Variants in BBS9 observed in about 807,000 individuals in gnomAD.
BBS9 encodes protein PTHB1.
Under a neutral mutation model 117.7 loss-of-function variants are expected in BBS9, and 89 were observed. That is an observed-to-expected ratio of 0.76 (90% CI 0.64 to 0.90). BBS9 has a LOEUF of 0.90. Ranked by LOEUF, BBS9 falls within the 40% of genes least tolerant of loss-of-function variation. The pLI is 0.00. For missense variants in BBS9, 982 were observed against 1,042.2 expected (o/e 0.94, Z 0.80); for synonymous variants, 379 against 370.9 (o/e 1.02, Z -0.25).
At chr7:33,592,432 AT>A (rs1311036432) in intron 21 of BBS9, among the ~76,000 whole-genome samples, 1 of 152,082 alleles carries the variant, frequency 6.6e-6, no homozygotes, top group African/African-American at 2.4e-5. Flanking sequence ...CCTTTCTATG[AT>A]CAATGGTTTA....
At chr7:33,292,487 A>G (rs1205876782) in intron 9 of BBS9, among the ~76,000 whole-genome samples, 2 of 152,118 alleles carry the variant, frequency 1.3e-5, no homozygotes, top group East Asian at 3.9e-4. Flanking sequence ...TTGGCCTCCC[A>G]AAGTGCTGGG....
intron 17 of BBS9, among the ~76,000 whole-genome samples, chr7:33,381,262 A>T (rs1824974133): frequency 6.6e-6 from 1 of 152,162 alleles, no homozygotes; most frequent in Non-Finnish European, 1.5e-5. Context: ...CCCTGTGGCA[A>T]GGTCAGCCCT....
chr7:33,601,229 G>T (rs546972764), intron 21 of BBS9, among the ~76,000 whole-genome samples: 1 of 152,222 alleles, frequency 6.6e-6, no homozygotes, highest in South Asian at 2.1e-4. Flanking sequence ...TCCTCGAGGC[G>T]AGACGCTTGC....
At chr7:33,399,138 G>A (rs912130970) in intron 19 of BBS9, among the ~76,000 whole-genome samples, 5 of 152,066 alleles carry the variant, frequency 3.3e-5, no homozygotes, top group Non-Finnish European at 5.9e-5. Flanking sequence ...AGCTATATGT[G>A]GCTATCTATT....
intron 5 of BBS9, among the ~76,000 whole-genome samples, chr7:33,197,098 G>C (rs546798594): frequency 6.6e-6 from 1 of 151,870 alleles, no homozygotes; most frequent in African/African-American, 2.4e-5. Flanking sequence ...AGGTTTCTTA[G>C]TGTTGTTTGA....
At chr7:33,250,140 T>C (rs1796002101) in intron 5 of BBS9, among the ~76,000 whole-genome samples, 1 of 152,240 alleles carries the variant, frequency 6.6e-6, no homozygotes, top group Admixed American at 6.5e-5. Flanking sequence ...TGGATTCCTA[T>C]TTGAATATTT....
At chr7:33,316,606 A>C (rs1159473845) in intron 9 of BBS9, among the ~76,000 whole-genome samples, 1 of 152,186 alleles carries the variant, frequency 6.6e-6, no homozygotes, top group Non-Finnish European at 1.5e-5. Context: ...GTATGGTGCT[A>C]GCTACTTGTG....
intron 20 of BBS9, among the ~76,000 whole-genome samples, chr7:33,532,550 T>C (rs1850753785): frequency 6.6e-6 from 1 of 152,064 alleles, no homozygotes; most frequent in South Asian, 2.1e-4. Flanking sequence ...CAGATGCTTA[T>C]TAAACCATCA....
chr7:33,245,347 TTTC>T (rs1189564573), intron 5 of BBS9, among the ~76,000 whole-genome samples: 2 of 152,122 alleles, frequency 1.3e-5, no homozygotes, highest in African/African-American at 4.8e-5. Flanking sequence ...GATCTTAGTG[TTTC>T]TAGTGTTAGG....
chr7:33,192,023 A>C (rs935318258), intron 5 of BBS9, among the ~76,000 whole-genome samples: 1 of 152,084 alleles, frequency 6.6e-6, no homozygotes, highest in Non-Finnish European at 1.5e-5. Context: ...GGACAGTAGA[A>C]TATAATCCAG....
chr7:33,176,892 G>A (rs991109574), intron 4 of BBS9, among the ~76,000 whole-genome samples: 11 of 152,166 alleles, frequency 7.2e-5, no homozygotes, highest in Non-Finnish European at 1.3e-4. Context: ...AGCACATGCA[G>A]TCTATTAAAT....
chr7:33,317,667 G>A (rs1810809492), intron 9 of BBS9, among the ~76,000 whole-genome samples: 1 of 152,130 alleles, frequency 6.6e-6, no homozygotes, highest in Non-Finnish European at 1.5e-5. Context: ...TGGATTTACT[G>A]TGTTAACTCT....
chr7:33,553,995 G>T (rs562775957), intron 21 of BBS9, among the ~76,000 whole-genome samples: 1 of 152,232 alleles, frequency 6.6e-6, no homozygotes, highest in East Asian at 1.9e-4. Flanking sequence ...ATTGGGGAAG[G>T]CTTCTGTGAG....
At chr7:33,504,053 A>G (rs1376459670) in intron 19 of BBS9, among the ~76,000 whole-genome samples, 2 of 152,176 alleles carry the variant, frequency 1.3e-5, no homozygotes, top group Non-Finnish European at 1.5e-5. Flanking sequence ...TTGGCTGTGT[A>G]TGTATGTTTT....
Position 33,184,104 on chromosome 7 carries a change from A to G in BBS9, c.442+6513A>G, listed in dbSNP as rs532800435. On this transcript the variant is annotated intron_variant, in intron 5 of 22. Transcript: ENST00000242067. ...CTATAAGCAGTTTGCACACAGAGAGAGAGAGAGAGAGAGAGAGTGAGAGAA... is the reference window on the plus strand; with the variant it reads ...CTATAAGCAGTTTGCACACAGAGAGGGAGAGAGAGAGAGAGAGTGAGAGAA... Among the ~76,000 whole-genome samples the G allele has an allele frequency of 5.4e-5, 8 of 149,378 alleles. 1 individual carries two copies. The South Asian group carries it at 1.7e-3, about 31-fold the overall frequency.
chr7:33,541,879 AT>A (rs1252342001), intron 21 of BBS9, among the ~76,000 whole-genome samples: 3 of 152,194 alleles, frequency 2.0e-5, no homozygotes, highest in African/African-American at 7.2e-5. Flanking sequence ...TTGTGGTGAT[AT>A]GACTATACTA....
intron 20 of BBS9, among the ~76,000 whole-genome samples, chr7:33,506,345 A>T (rs1475497026): frequency 6.6e-6 from 1 of 152,188 alleles, no homozygotes; most frequent in African/African-American, 2.4e-5. Flanking sequence ...GAGACCGTTG[A>T]ACTTAGTTCT....
chr7:33,557,783 G>T (rs1224397504), intron 21 of BBS9, among the ~76,000 whole-genome samples: 4 of 152,246 alleles, frequency 2.6e-5, no homozygotes, highest in Non-Finnish European at 5.9e-5. Context: ...ATCCTCCGTG[G>T]ATTGCAAGAT....
chr7:33,582,487 C>T (rs139237498), intron 21 of BBS9, among the ~76,000 whole-genome samples: 1 of 152,042 alleles, frequency 6.6e-6, no homozygotes, highest in Non-Finnish European at 1.5e-5. Flanking sequence ...GATATGATCA[C>T]TGTTCCCTTT....
Sources: gnomAD v4.1 joint callset for allele counts (sites outside exome capture counted in the v4.1 genomes callset) on GRCh38, gnomAD v4.1.1 for gene constraint, MANE v1.5 for transcripts, NCBI Gene and HGNC (gene_info 2026-07-23, HGNC 2026-07-21) for gene names.